Variants in DGKI observed in about 807,000 individuals in gnomAD.
DGKI encodes the protein diacylglycerol kinase iota.
A neutral mutation model predicts 147.5 loss-of-function variants in DGKI; 55 were observed. The ratio of observed to expected loss-of-function variants is 0.37; its 90% CI spans 0.30 to 0.47. The LOEUF (loss-of-function observed/expected upper bound fraction) is 0.47. Among genes scored for constraint, DGKI ranks in the 20% least tolerant of loss-of-function variants. The pLI is 1.00. For synonymous variants in DGKI, 469 were observed against 477.1 expected, an observed-to-expected ratio of 0.98 and a Z score of 0.22; for missense variants, 1,007 against 1,323.8, an observed-to-expected ratio of 0.76 and a Z score of 3.71.
At chr7:137,825,345 T>C (rs1190862043) in intron 1 of DGKI, among the ~76,000 whole-genome samples, 1 of 152,188 alleles carries the variant, frequency 6.6e-6, no homozygotes, top group Admixed American at 6.5e-5. Context: ...AAGAAGTTTG[T>C]AATGTCTTCA....
chr7:137,416,693 C>T (rs567206360), intron 28 of DGKI, among the ~76,000 whole-genome samples: 1 of 152,272 alleles, frequency 6.6e-6, no homozygotes, highest in East Asian at 1.9e-4. Flanking sequence ...CAGTTAAGTT[C>T]CTACTCTTCG....
At chr7:137,781,924 T>C (rs767134055) in intron 1 of DGKI, among the ~76,000 whole-genome samples, 17 of 152,196 alleles carry the variant, frequency 1.1e-4, no homozygotes, top group Non-Finnish European at 7.4e-5. Context: ...TCTGTCAAAA[T>C]GGCTCTAAAC....
In DGKI at chr7:137,466,039, A is replaced by T. The variant is rs1814642913; in HGVS notation, c.2485-4T>A. On this transcript the variant is annotated splice_polypyrimidine_tract_variant and splice_region_variant and intron_variant, in intron 25 of 32. Coordinates refer to ENST00000614521, the MANE Select transcript of DGKI (RefSeq NM_001321708.2). ...CCATCACAAAGTGCAAATGTTCCTA[A>T]AGAAGAACAAGAAGTCTGTTGCATG... 36 of 1,613,342 alleles carry T rather than the reference A, an allele frequency of 2.2e-5. No homozygotes were observed. Among genetic ancestry groups the T allele is most frequent in the Non-Finnish European group, 3.0e-5 (35 of 1,179,610 alleles).
At chr7:137,640,462 T>C (rs1258331749) in intron 6 of DGKI, among the ~76,000 whole-genome samples, 1 of 152,174 alleles carries the variant, frequency 6.6e-6, no homozygotes, top group East Asian at 1.9e-4. Context: ...CTCCTGAGGC[T>C]ACTGGGAGAG....
At position 137,419,693 on chromosome 7, in the gene DGKI, C is replaced by T. The variant is rs563431265; in HGVS notation, c.2762-7486G>A. Reference sequence around the variant, plus strand: ...TGTAATTAATATTATTCTACATAGGCATACTGAATAAGTCCAAGATGAGGT... The same window carrying T: ...TGTAATTAATATTATTCTACATAGGTATACTGAATAAGTCCAAGATGAGGT... On this transcript the variant is annotated intron_variant, in intron 28 of 32. Coordinates refer to ENST00000614521, the MANE Select transcript of DGKI (RefSeq NM_001321708.2). 2.6e-5 allele frequency among the ~76,000 whole-genome samples: 4 copies of T among 152,232 alleles called. No homozygotes were observed. In the East Asian group the frequency reaches 7.7e-4, roughly 29 times the overall value.
intron 1 of DGKI, among the ~76,000 whole-genome samples, chr7:137,766,482 T>C (rs1796017012): frequency 6.6e-6 from 1 of 152,228 alleles, no homozygotes; most frequent in African/African-American, 2.4e-5. Flanking sequence ...ATTACTAACC[T>C]ATTAGCACAA....
chr7:137,425,544 A>C (rs943161319), intron 28 of DGKI, among the ~76,000 whole-genome samples: 1 of 152,248 alleles, frequency 6.6e-6, no homozygotes, highest in African/African-American at 2.4e-5. Flanking sequence ...ACAAAGATGG[A>C]CGGAGAATGA....
chr7:137,526,880 C>T (rs1431663988), intron 20 of DGKI, among the ~76,000 whole-genome samples: 1 of 152,122 alleles, frequency 6.6e-6, no homozygotes, highest in Admixed American at 6.6e-5. Flanking sequence ...AGAGACGCCT[C>T]TCATCCAATC....
In DGKI at chr7:137,567,858, T is replaced by A. The variant is rs542731227; in HGVS notation, c.1947+3317A>T. On this transcript the variant is annotated intron_variant, in intron 19 of 32. Transcript: ENST00000614521. ...CGAATTATTGATGGATAAAATGATA[T>A]ATATGCTATGCATATGATGTATATA... Among the ~76,000 whole-genome samples the A allele has an allele frequency of 3.2e-3, 480 of 152,314 alleles. 3 individuals are homozygous for A. The highest frequency in any genetic ancestry group is 0.011 in the African/African-American group (463 of 41,570).
chr7:137,679,404 G>GC (rs1823151655), intron 2 of DGKI, among the ~76,000 whole-genome samples: 2 of 127,566 alleles, frequency 1.6e-5, no homozygotes, highest in Admixed American at 7.8e-5. Context: ...GAAGCAAACT[G>GC]TTTTTTTTTT....
intron 1 of DGKI, among the ~76,000 whole-genome samples, chr7:137,758,989 A>T (rs187020394): frequency 3.1e-4 from 47 of 152,142 alleles, no homozygotes; most frequent in African/African-American, 1.1e-3. Context: ...GATGCAGGGG[A>T]TACATGCGCA....
At chr7:137,712,003 G>C (rs1000144544) in intron 1 of DGKI, among the ~76,000 whole-genome samples, 3 of 152,150 alleles carry the variant, frequency 2.0e-5, no homozygotes, top group African/African-American at 7.2e-5. Flanking sequence ...GGGGATACCT[G>C]CTTCTGAGGA....
chr7:137,532,090 T>G (rs1381367908), intron 20 of DGKI, among the ~76,000 whole-genome samples: 8 of 150,950 alleles, frequency 5.3e-5, no homozygotes, highest in Non-Finnish European at 1.2e-4. Context: ...AAAAAAACAG[T>G]AGCCAAAATT....
Position 137,390,091 on chromosome 7 carries a change from T to A in DGKI, c.*1129A>T, listed in dbSNP as rs1019143399. 7 of 151,982 alleles carry A rather than the reference T, an allele frequency of 4.6e-5. No homozygotes were observed. Among genetic ancestry groups the A allele is most frequent in the African/African-American group, 9.7e-5 (4 of 41,406 alleles). 9.4% of individuals were successfully genotyped at this position (151,982 alleles called of 1,614,324 possible). ...CTCCTCTCACCACTGTATCCAACAG[T>A]CTATAGTTATTAGCCTCTGTGCAAC... On this transcript the variant is annotated 3_prime_UTR_variant, in exon 33 of 33. Coordinates refer to ENST00000614521, the MANE Select transcript of DGKI (RefSeq NM_001321708.2).
chr7:137,550,049 C>A (rs1013093310), intron 20 of DGKI, among the ~76,000 whole-genome samples: 1 of 152,040 alleles, frequency 6.6e-6, no homozygotes, highest in African/African-American at 2.4e-5. Context: ...GAAAATTATA[C>A]TATTATTCCC....
intron 28 of DGKI, among the ~76,000 whole-genome samples, chr7:137,442,783 T>C (rs1210669986): frequency 6.6e-6 from 1 of 152,242 alleles, no homozygotes; most frequent in Non-Finnish European, 1.5e-5. Flanking sequence ...AATTCATTCA[T>C]TTAATAAACA....
rs1261696442 is a variant in DGKI at position 137,638,583 on chromosome 7, TAC to T, written c.804+6887_804+6888del. ...ATATATACACACATATATGTATATA[TAC>T]ACATATATACATATATGTATATATA... On this transcript the variant is annotated intron_variant, in intron 6 of 32. Transcript: ENST00000614521. Among the ~76,000 whole-genome samples, 6 of 84,332 alleles carry T rather than the reference TAC, an allele frequency of 7.1e-5. 2 individuals are homozygous for T. Among genetic ancestry groups the T allele is most frequent in the Non-Finnish European group, 9.2e-5 (4 of 43,300 alleles). The allele number at this position is 84,332 out of a possible 152,430, so 55.3% of individuals were successfully genotyped here.
chr7:137,568,447 G>T (rs1317744714), intron 19 of DGKI, among the ~76,000 whole-genome samples: 1 of 152,158 alleles, frequency 6.6e-6, no homozygotes, highest in Non-Finnish European at 1.5e-5. Flanking sequence ...TGCCTCTCCA[G>T]CCTTCCCTGC....
rs183926747 is a variant in DGKI at position 137,595,721 on chromosome 7, C to T, written c.1311+2126G>A. On this transcript the variant is annotated intron_variant, in intron 12 of 32. Coordinates refer to ENST00000614521, the MANE Select transcript of DGKI (RefSeq NM_001321708.2). ...ATATCTGCTGAGTAAAGAAGGAAAA[C>T]GGGCAGGCAGGGTGGTTCACACCTG... Among the ~76,000 whole-genome samples the T allele has an allele frequency of 4.9e-4, 75 of 152,026 alleles. No individual in the cohort carries two copies. In the East Asian group the frequency reaches 0.014, roughly 28 times the overall value.
Sources: gnomAD v4.1 joint callset for allele counts (sites outside exome capture counted in the v4.1 genomes callset) on GRCh38, gnomAD v4.1.1 for gene constraint, MANE v1.5 for transcripts, NCBI Gene and HGNC (gene_info 2026-07-23, HGNC 2026-07-21) for gene names.